DHTKD1: variants seen among roughly 807,000 people sequenced by gnomAD.
DHTKD1 encodes the protein 2-oxoadipate dehydrogenase complex component E1.
In DHTKD1, 78 loss-of-function variants were observed where a neutral mutation model predicts 101.8. The observed-to-expected ratio is 0.77, with a 90% CI of 0.64 to 0.93. DHTKD1 has a LOEUF of 0.93. DHTKD1 is among the 40% of genes least tolerant of loss of function. DHTKD1 has a pLI of 0.00. For synonymous variants in DHTKD1, 462 were observed against 450.3 expected (o/e 1.03, Z -0.33); for missense variants, 1,223 against 1,161.7 (o/e 1.05, Z -0.77).
intron 1 of DHTKD1, among the ~76,000 whole-genome samples, chr10:12,074,418 C>T (rs547387068): frequency 5.9e-5 from 9 of 151,352 alleles, no homozygotes; most frequent in African/African-American, 1.7e-4. Flanking sequence ...TGCAGTGGCA[C>T]GATCTCTGCT....
chr10:12,113,379 G>A (rs1219861649), intron 13 of DHTKD1, among the ~76,000 whole-genome samples: 1 of 152,054 alleles, frequency 6.6e-6, no homozygotes, highest in East Asian at 1.9e-4. Flanking sequence ...TGTATTTTTA[G>A]TAGAGATGGG....
rs367970665 is a variant in DHTKD1 at position 12,084,067 on chromosome 10, C to T, written c.311-473C>T. ...CCTCTCGAGTAGCTGGGACTACAGGCGCACGCTACCATGCCCGGCTAATTT... is the reference window on the plus strand; with the variant it reads ...CCTCTCGAGTAGCTGGGACTACAGGTGCACGCTACCATGCCCGGCTAATTT... On this transcript the variant is annotated intron_variant, in intron 2 of 16. Transcript: ENST00000263035. 7.9e-5 allele frequency among the ~76,000 whole-genome samples: 12 copies of T among 151,986 alleles called. No homozygotes were observed. In the East Asian group the frequency reaches 9.8e-4, roughly 12 times the overall value.
intron 15 of DHTKD1, among the ~76,000 whole-genome samples, chr10:12,119,609 C>A (rs1359729181): frequency 7.8e-6 from 1 of 127,436 alleles, no homozygotes; most frequent in African/African-American, 3.0e-5. Context: ...GAGCGAGACT[C>A]CGTCTCAAAA....
At chr10:12,085,784 A>C (rs1426349870) in intron 3 of DHTKD1, among the ~76,000 whole-genome samples, 1 of 151,926 alleles carries the variant, frequency 6.6e-6, no homozygotes, top group Non-Finnish European at 1.5e-5. Flanking sequence ...CTACTTGGGA[A>C]GCTGAGGCAG....
chr10:12,103,043 C>T lies in DHTKD1; in HGVS notation c.1896+1862C>T, dbSNP rs887531334. On this transcript the variant is annotated intron_variant, in intron 10 of 16. Coordinates refer to ENST00000263035, the MANE Select transcript of DHTKD1 (RefSeq NM_018706.7). This position sits in a 1 kb window ranked among gnomAD's most constrained non-coding sequence, Gnocchi z 4.8. ...TTCAACACTGGCCTGGCCAACATGGCGAAACCCTGTCTCTACTAAAAATAC... is the reference window on the plus strand; with the variant it reads ...TTCAACACTGGCCTGGCCAACATGGTGAAACCCTGTCTCTACTAAAAATAC... 3.3e-5 allele frequency among the ~76,000 whole-genome samples: 5 copies of T among 152,162 alleles called. No individual in the cohort carries two copies. The highest frequency in any genetic ancestry group is 3.9e-4 in the East Asian group (2 of 5,152).
chr10:12,073,688 C>T (rs1234815797), intron 1 of DHTKD1, among the ~76,000 whole-genome samples: 1 of 152,168 alleles, frequency 6.6e-6, no homozygotes, highest in African/African-American at 2.4e-5. Context: ...AAAGCTCAGT[C>T]TGGCCCAGCT....
At chr10:12,093,163 C>T (rs979113182) in intron 6 of DHTKD1, among the ~76,000 whole-genome samples, 1 of 151,884 alleles carries the variant, frequency 6.6e-6, no homozygotes, top group African/African-American at 2.4e-5. Flanking sequence ...CCTGCCTCAG[C>T]CTCCCGAGTA....
Position 12,103,483 on chromosome 10 carries a change from A to G in DHTKD1, c.1896+2302A>G, listed in dbSNP as rs1451583518. Among the ~76,000 whole-genome samples the G allele has an allele frequency of 5.1e-5, 6 of 118,504 alleles. No homozygotes were observed. Among genetic ancestry groups the G allele is most frequent in the African/African-American group, 1.8e-4 (6 of 33,718 alleles). 77.7% of individuals were successfully genotyped at this position (118,504 alleles called of 152,430 possible). Reference sequence around the variant, plus strand: ...TGTTTTTCCCCCAACTTCGTTGTACATCTCAATCTGTGTGTGTGTGTGTGT... The same window carrying G: ...TGTTTTTCCCCCAACTTCGTTGTACGTCTCAATCTGTGTGTGTGTGTGTGT... On this transcript the variant is annotated intron_variant, in intron 10 of 16. Transcript: ENST00000263035. This position sits in a 1 kb window ranked among gnomAD's most constrained non-coding sequence, Gnocchi z 4.8.
At chr10:12,090,214 G>A (rs897220808) in intron 5 of DHTKD1, among the ~76,000 whole-genome samples, 3 of 152,054 alleles carry the variant, frequency 2.0e-5, no homozygotes, top group Non-Finnish European at 2.9e-5. Context: ...AAATTCCACA[G>A]AAATAGATAA....
In DHTKD1 at chr10:12,097,856, G is replaced by C. The variant is rs111957806; in HGVS notation, c.1531G>C (p.Gly511Arg). ...PALNLQAHWQ[G>R]LAQPEAQITT... ...CCTGAACCTGCAGGCCCACTGGCAG[G>C]GCCTGGCTCAGCCAGAAGCGCAAAT... The change falls in exon 8 of 17, where the codon GGC becomes CGC. Residue 511 changes from glycine (G) to arginine (R), a missense_variant. Gly to Arg is a moderately radical substitution (Grantham distance 125). Transcript: ENST00000263035. The C allele has an allele frequency of 1.1e-5, 18 of 1,614,088 alleles. No individual in the cohort carries two copies. In the African/African-American group the frequency reaches 2.4e-4, roughly 22 times the overall value.
Position 12,121,164 on chromosome 10 carries a change from G to A in DHTKD1, c.*276G>A, listed in dbSNP as rs1434036124. 2.9e-6 allele frequency: 1 copy of A among 347,226 alleles called. No individual in the cohort carries two copies. The highest frequency in any genetic ancestry group is 5.6e-6 in the Non-Finnish European group (1 of 179,530). 21.5% of individuals were successfully genotyped at this position (347,226 alleles called of 1,614,324 possible). ...GAATCTGGGAGGCGGAGGTTGCAGT[G>A]AGCCAGGATCACACCATTGCTGTCC... On this transcript the variant is annotated 3_prime_UTR_variant, in exon 17 of 17. Transcript: ENST00000263035.
At chr10:12,100,487 A>C (rs909543247) in intron 9 of DHTKD1, among the ~76,000 whole-genome samples, 16 of 148,258 alleles carry the variant, frequency 1.1e-4, no homozygotes, top group African/African-American at 4.0e-4. Context: ...CTGGTCTCGA[A>C]CTCTTGACCT....
In DHTKD1 at chr10:12,122,673, T is replaced by C. The variant is rs1389556241; in HGVS notation, c.*1785T>C. On this transcript the variant is annotated 3_prime_UTR_variant, in exon 17 of 17. Coordinates refer to ENST00000263035, the MANE Select transcript of DHTKD1 (RefSeq NM_018706.7). ...GGAAAAAAAAAGAAAAGAACACTTC[T>C]TTATTTGAGGGACTTTCCCAACACC... is the stretch of plus-strand genomic sequence containing the variant. The C allele has an allele frequency of 6.6e-6, 1 of 151,806 alleles. No individual in the cohort carries two copies. Among genetic ancestry groups the C allele is most frequent in the Non-Finnish European group, 1.5e-5 (1 of 67,996 alleles). 9.4% of individuals were successfully genotyped at this position (151,806 alleles called of 1,614,324 possible). A position where few individuals can be genotyped will look rare whatever the true frequency, so the allele number is the denominator to read the frequency against.
intron 7 of DHTKD1, among the ~76,000 whole-genome samples, chr10:12,096,589 A>G (rs1281366441): frequency 1.3e-5 from 2 of 152,174 alleles, no homozygotes; most frequent in Non-Finnish European, 1.5e-5. Context: ...TGGTCTCGCC[A>G]TCTGCCCGTC....
rs142380961 is a variant in DHTKD1 at position 12,071,380 on chromosome 10, C to G, written c.154+2193C>G. 5.8e-4 allele frequency among the ~76,000 whole-genome samples: 89 copies of G among 152,340 alleles called. No homozygotes were observed. The East Asian group carries it at 0.017, about 29-fold the overall frequency. On this transcript the variant is annotated intron_variant, in intron 1 of 16. Coordinates refer to ENST00000263035, the MANE Select transcript of DHTKD1 (RefSeq NM_018706.7). ...AATGGAAGTTAGGAATCGTAGCAGT[C>G]TCTGCCACAGAGGTATAGTAATCTG... is the stretch of plus-strand genomic sequence containing the variant.
At chr10:12,119,887 G>T (rs943597369) in intron 15 of DHTKD1, among the ~76,000 whole-genome samples, 3 of 152,152 alleles carry the variant, frequency 2.0e-5, no homozygotes, top group African/African-American at 7.2e-5. Flanking sequence ...AGCCTAGCCT[G>T]CCTTAAACAT....
At chr10:12,118,305 C>G (rs1194301451) in intron 14 of DHTKD1, among the ~76,000 whole-genome samples, 1 of 151,910 alleles carries the variant, frequency 6.6e-6, no homozygotes, top group East Asian at 1.9e-4. Context: ...TGTGACTGAA[C>G]TCGGCTGCAG....
At chr10:12,091,711 T>C (rs1832992826) in intron 6 of DHTKD1, 27 bp downstream of exon 6, 1 of 1,605,798 alleles carries the variant, frequency 6.2e-7, no homozygotes. Flanking sequence ...GGAACTGATA[T>C]TGCTGAAGCC....
chr10:12,104,572 G>C (rs1223159489), intron 10 of DHTKD1, among the ~76,000 whole-genome samples: 1 of 152,050 alleles, frequency 6.6e-6, no homozygotes, highest in East Asian at 1.9e-4. Context: ...AAAATGTTGT[G>C]TACAGTAAGG....
Sources: gnomAD v4.1 joint callset for allele counts (sites outside exome capture counted in the v4.1 genomes callset) on GRCh38, gnomAD v4.1.1 for gene constraint, Gnocchi (gnomAD v3.1) non-coding constraint, MANE v1.5 for transcripts, NCBI Gene and HGNC (gene_info 2026-07-23, HGNC 2026-07-21) for gene names.